ZBTB20: variants seen among roughly 807,000 people sequenced by gnomAD.
The protein encoded by ZBTB20 is zinc finger and BTB domain-containing protein 20.
A neutral mutation model predicts 56.9 loss-of-function variants in ZBTB20; 9 were observed. That is an observed-to-expected ratio of 0.16 (90% confidence interval 0.10 to 0.28). ZBTB20 has a LOEUF of 0.28. Ranked by LOEUF, ZBTB20 falls within the 10% of genes least tolerant of loss-of-function variation. ZBTB20 has a pLI of 1.00. For synonymous variants in ZBTB20, 417 were observed against 420.7 expected (o/e 0.99, Z 0.11); for missense variants, 655 against 1,003.0 (o/e 0.65, Z 4.69).
chr3:114,345,109 G>C (rs1300261164), intron 11 of ZBTB20, among the ~76,000 whole-genome samples: 12 of 152,138 alleles, frequency 7.9e-5, no homozygotes, highest in Admixed American at 4.6e-4. Flanking sequence ...TAAGTCCCTT[G>C]AATTAAATTC....
chr3:114,825,387 G>A (rs561872517), intron 4 of ZBTB20, among the ~76,000 whole-genome samples: 1 of 151,982 alleles, frequency 6.6e-6, no homozygotes, highest in Admixed American at 6.6e-5. Flanking sequence ...TTTCTTTATT[G>A]TTCTCAAAAA....
intron 10 of ZBTB20, among the ~76,000 whole-genome samples, chr3:114,374,653 T>G (rs1244030747): frequency 6.6e-6 from 1 of 152,262 alleles, no homozygotes; most frequent in Non-Finnish European, 1.5e-5. Context: ...AAAATCCAGT[T>G]CAGCTGCTCC....
intron 1 of ZBTB20, among the ~76,000 whole-genome samples, chr3:115,132,464 G>C (rs2084534863): frequency 6.6e-6 from 1 of 152,106 alleles, no homozygotes; most frequent in Non-Finnish European, 1.5e-5. Context: ...TCATCAGCAA[G>C]AGACACCTGA....
chr3:114,419,702 A>C (rs1039862305), intron 7 of ZBTB20, among the ~76,000 whole-genome samples: 4 of 152,116 alleles, frequency 2.6e-5, no homozygotes, highest in Non-Finnish European at 4.4e-5. Context: ...TAATTCTCCT[A>C]AAACACCAAG....
chr3:114,699,813 C>T (rs546700050), intron 5 of ZBTB20, among the ~76,000 whole-genome samples: 1 of 151,998 alleles, frequency 6.6e-6, no homozygotes, highest in Non-Finnish European at 1.5e-5. Context: ...CTTACCTGTT[C>T]TTCTTCATTT....
At chr3:114,464,743 G>C (rs2092468824) in intron 7 of ZBTB20, among the ~76,000 whole-genome samples, 1 of 151,858 alleles carries the variant, frequency 6.6e-6, no homozygotes, top group Non-Finnish European at 1.5e-5. Flanking sequence ...TGAATAGCTG[G>C]GGGGATTTCC....
At chr3:114,995,619 G>A (rs2078995106) in intron 2 of ZBTB20, among the ~76,000 whole-genome samples, 1 of 151,694 alleles carries the variant, frequency 6.6e-6, no homozygotes, top group African/African-American at 2.4e-5. Flanking sequence ...TCAGATATAA[G>A]TGCTTTCTAT....
chr3:114,910,055 A>T (rs1175866145), intron 3 of ZBTB20, among the ~76,000 whole-genome samples: 1 of 151,990 alleles, frequency 6.6e-6, no homozygotes, highest in Non-Finnish European at 1.5e-5. Context: ...TATAAAAAAG[A>T]AGATAGAAAT....
At chr3:114,746,774 ATG>A (rs1470439446) in intron 5 of ZBTB20, among the ~76,000 whole-genome samples, 1 of 152,216 alleles carries the variant, frequency 6.6e-6, no homozygotes, top group Non-Finnish European at 1.5e-5. Context: ...TAGCTTTTAA[ATG>A]TGGTATGATT....
At chr3:115,137,716 C>A (rs1199451638) in intron 1 of ZBTB20, among the ~76,000 whole-genome samples, 1 of 151,980 alleles carries the variant, frequency 6.6e-6, no homozygotes, top group African/African-American at 2.4e-5. Flanking sequence ...TAATATTTTA[C>A]CCCTCATATC....
intron 4 of ZBTB20, among the ~76,000 whole-genome samples, chr3:114,806,143 G>C (rs1472731318): frequency 6.6e-6 from 1 of 151,716 alleles, no homozygotes; most frequent in Non-Finnish European, 1.5e-5. Flanking sequence ...ATAAGGGTAA[G>C]TTTATTTTAA....
At chr3:115,086,829 T>C (rs778294783) in intron 1 of ZBTB20, among the ~76,000 whole-genome samples, 2 of 151,890 alleles carry the variant, frequency 1.3e-5, no homozygotes, top group Non-Finnish European at 2.9e-5. Context: ...GTTAGTCAGC[T>C]CTGGTAACCG....
intron 6 of ZBTB20, among the ~76,000 whole-genome samples, chr3:114,606,196 T>G (rs2057135597): frequency 6.6e-6 from 1 of 152,194 alleles, no homozygotes; most frequent in East Asian, 1.9e-4. Context: ...TTTTGTTGTC[T>G]CTGGAAGCAT....
intron 1 of ZBTB20, among the ~76,000 whole-genome samples, chr3:115,116,516 AAATAAG>A (rs1436260734): frequency 2.6e-5 from 4 of 152,154 alleles, no homozygotes; most frequent in South Asian, 2.1e-4. Context: ...CTTATCTATA[AAATAAG>A]AATAACTATA....
intron 6 of ZBTB20, among the ~76,000 whole-genome samples, chr3:114,679,538 C>T (rs1482853688): frequency 6.6e-6 from 1 of 152,158 alleles, no homozygotes; most frequent in African/African-American, 2.4e-5. Context: ...AAAAAAACCT[C>T]ATCATCACTG....
intron 5 of ZBTB20, among the ~76,000 whole-genome samples, chr3:114,726,658 A>G (rs757930007): frequency 2.0e-4 from 31 of 152,220 alleles, no homozygotes; most frequent in Middle Eastern, 3.4e-3. Flanking sequence ...CATGCCTGTA[A>G]TCCCAGCACT....
At chr3:114,883,649 G>A (rs2076481682) in intron 4 of ZBTB20, among the ~76,000 whole-genome samples, 1 of 152,000 alleles carries the variant, frequency 6.6e-6, no homozygotes, top group African/African-American at 2.4e-5. Flanking sequence ...GGTACTTGAG[G>A]CTTCAGTATA....
rs867999056 is a variant in ZBTB20 at position 114,316,805 on chromosome 3, G to A, written c.*22200C>T. On this transcript the variant is annotated 3_prime_UTR_variant, in exon 12 of 12. Transcript: ENST00000675478. ...GGGTTTGGTCATGCTGGGGGCTGAC[G>A]TGGCAGTGCCAGGCTCGTGCCTGAG... 3 of 287,298 alleles carry A rather than the reference G, an allele frequency of 1.0e-5. No individual in the cohort carries two copies. The highest frequency in any genetic ancestry group is 8.8e-5 in the South Asian group (3 of 33,906). 17.8% of individuals were successfully genotyped at this position (287,298 alleles called of 1,614,324 possible).
intron 6 of ZBTB20, among the ~76,000 whole-genome samples, chr3:114,646,347 CT>C: frequency 6.6e-6 from 1 of 151,136 alleles, no homozygotes; most frequent in Non-Finnish European, 1.5e-5. Flanking sequence ...CATTTTTCTT[CT>C]GTGTAGGTAG....
Sources: allele counts gnomAD v4.1 joint callset (sites outside exome capture counted in the v4.1 genomes callset), GRCh38; gene constraint gnomAD v4.1.1; transcripts MANE v1.5; gene names NCBI Gene and HGNC (gene_info 2026-07-23, HGNC 2026-07-21).